Variants in ANO6 observed in about 807,000 individuals in gnomAD.
ANO6 encodes anoctamin-6.
In ANO6, 106 loss-of-function variants were observed where a neutral mutation model predicts 117.5. The observed-to-expected ratio is 0.90, with a 90% CI of 0.77 to 1.06. ANO6 has a LOEUF of 1.06. Among genes scored for constraint, ANO6 ranks in the 50% least tolerant of loss-of-function variants. The probability of loss-of-function intolerance (pLI) is 0.00; values close to 1 mark genes in which losing one functional copy is unlikely to be tolerated. For missense variants in ANO6, 955 were observed against 1,121.1 expected (o/e 0.85, Z 2.12); for synonymous variants, 367 against 385.1 (o/e 0.95, Z 0.55).
At chr12:45,398,026 TAA>T (rs1427693124) in intron 12 of ANO6, among the ~76,000 whole-genome samples, 2 of 152,018 alleles carry the variant, frequency 1.3e-5, no homozygotes, top group African/African-American at 4.8e-5. Flanking sequence ...TCTTTAGAAG[TAA>T]AAACGTTTTC....
intron 7 of ANO6, among the ~76,000 whole-genome samples, chr12:45,351,915 C>CA (rs776476907): frequency 5.5e-4 from 83 of 152,134 alleles, no homozygotes; most frequent in Non-Finnish European, 9.4e-4. Context: ...ATAAGGGGTA[C>CA]AGGGAGCAGG....
chr12:45,256,036 C>A (rs1444510058), intron 1 of ANO6, among the ~76,000 whole-genome samples: 1 of 151,994 alleles, frequency 6.6e-6, no homozygotes. Context: ...GGTGGCCAGG[C>A]TGGTCTCAAA....
At chr12:45,270,576 T>C in intron 1 of ANO6, 1 of 588,168 alleles carries the variant, frequency 1.7e-6, no homozygotes, top group Non-Finnish European at 2.8e-6. Context: ...CTTTTTCCCC[T>C]CCGACTGTCA....
chr12:45,272,733 A>C (rs970156589), intron 1 of ANO6, among the ~76,000 whole-genome samples: 1 of 152,228 alleles, frequency 6.6e-6, no homozygotes, highest in African/African-American at 2.4e-5. Flanking sequence ...CATTATGGAA[A>C]ACAGTATGAA....
intron 7 of ANO6, among the ~76,000 whole-genome samples, chr12:45,355,393 T>C (rs752187747): frequency 3.9e-5 from 6 of 152,082 alleles, no homozygotes; most frequent in Non-Finnish European, 7.4e-5. Flanking sequence ...CTTGTCACAG[T>C]AAATAACCAA....
intron 8 of ANO6, among the ~76,000 whole-genome samples, chr12:45,364,968 G>C (rs1941647764): frequency 6.6e-6 from 1 of 152,164 alleles, no homozygotes; most frequent in South Asian, 2.1e-4. Flanking sequence ...CACTGTTACT[G>C]CTGCTTCCCT....
Position 45,216,196 on chromosome 12 carries a change from C to T in ANO6, c.-126C>T. On this transcript the variant is annotated 5_prime_UTR_variant, in exon 1 of 20. Transcript: ENST00000320560. ...TTTCCCCGGCGCTGGCTGGGCTCAG[C>T]GGCCCCTGAGCCCAAGCGACACACG... is the stretch of plus-strand genomic sequence containing the variant. 1.8e-6 allele frequency: 2 copies of T among 1,100,280 alleles called. No individual in the cohort carries two copies. Among genetic ancestry groups the T allele is most frequent in the Non-Finnish European group, 2.7e-6 (2 of 749,492 alleles). The allele number at this position is 1,100,280 out of a possible 1,614,324, so 68.2% of individuals were successfully genotyped here.
In ANO6 at chr12:45,440,214, G is replaced by A. The variant is rs112719614; in HGVS notation, c.*276G>A. 3.1e-3 allele frequency: 826 copies of A among 267,522 alleles called. 8 individuals carry two copies. Among genetic ancestry groups the A allele is most frequent in the African/African-American group, 0.017 (768 of 45,598 alleles). 16.6% of individuals were successfully genotyped at this position (267,522 alleles called of 1,614,324 possible). ...TTCATGCCATTTTAATTTTTAAAAGGTAATTTAATTGAGCCTAATTTCTTT... is the reference window on the plus strand; with the variant it reads ...TTCATGCCATTTTAATTTTTAAAAGATAATTTAATTGAGCCTAATTTCTTT... On this transcript the variant is annotated 3_prime_UTR_variant, in exon 20 of 20. Coordinates refer to the ANO6 transcript ENST00000425752.
At chr12:45,325,090 G>A (rs1001399839) in intron 2 of ANO6, among the ~76,000 whole-genome samples, 34 of 152,176 alleles carry the variant, frequency 2.2e-4, no homozygotes, top group Admixed American at 6.6e-4. Flanking sequence ...ATACAGTTAC[G>A]AAGTCAAGCT....
chr12:45,309,196 C>T (rs760373112), intron 2 of ANO6, among the ~76,000 whole-genome samples: 2 of 151,994 alleles, frequency 1.3e-5, no homozygotes, highest in Non-Finnish European at 2.9e-5. Context: ...ACTGAGAGGC[C>T]AGAATGCATT....
intron 19 of ANO6, among the ~76,000 whole-genome samples, chr12:45,425,994 T>G (rs1280743854): frequency 6.6e-6 from 1 of 152,204 alleles, no homozygotes; most frequent in African/African-American, 2.4e-5. Context: ...AAACCAGTGT[T>G]TTTTCTAATC....
At chr12:45,337,678 G>A (rs1438548450) in intron 3 of ANO6, among the ~76,000 whole-genome samples, 1 of 151,974 alleles carries the variant, frequency 6.6e-6, no homozygotes, top group Non-Finnish European at 1.5e-5. Context: ...TTGGTCAAAG[G>A]ATACAAAATT....
chr12:45,377,157 T>TC lies in ANO6; in HGVS notation c.1105-896_1105-895insC, dbSNP rs1473307954. On this transcript the variant is annotated intron_variant, in intron 9 of 19. Coordinates refer to ENST00000320560, the MANE Select transcript of ANO6 (RefSeq NM_001025356.3). ...CATTTGAAAAGGTTTTTTTTTTTTT[T>TC]ACCTATAGCTTTTCTACCCAGTCCC... Among the ~76,000 whole-genome samples, 4 of 151,950 alleles carry TC rather than the reference T, an allele frequency of 2.6e-5. No homozygotes were observed. The East Asian group carries it at 7.7e-4, about 29-fold the overall frequency.
chr12:45,333,506 A>G (rs1940735262), intron 3 of ANO6, among the ~76,000 whole-genome samples: 1 of 152,054 alleles, frequency 6.6e-6, no homozygotes, highest in South Asian at 2.1e-4. Flanking sequence ...GCCATGATGA[A>G]GGGCCCTAGA....
At chr12:45,417,565 T>C (rs551150757) in intron 17 of ANO6, among the ~76,000 whole-genome samples, 10 of 152,332 alleles carry the variant, frequency 6.6e-5, no homozygotes, top group African/African-American at 2.4e-4. Context: ...CCTGTATTCA[T>C]TGATTATGGG....
At chr12:45,414,429 T>G (rs1016811876) in intron 16 of ANO6, among the ~76,000 whole-genome samples, 47 of 152,294 alleles carry the variant, frequency 3.1e-4, no homozygotes, top group African/African-American at 1.1e-3. Flanking sequence ...TTTATTTTGG[T>G]GTCAGAAGTG....
At chr12:45,422,609 C>A (rs1206042015) in intron 18 of ANO6, among the ~76,000 whole-genome samples, 1 of 149,812 alleles carries the variant, frequency 6.7e-6, no homozygotes, top group East Asian at 2.0e-4. Flanking sequence ...GCGTCCTGCT[C>A]TGTTGCCCAG....
chr12:45,269,852 T>C (rs535805402), intron 1 of ANO6, among the ~76,000 whole-genome samples: 60 of 152,346 alleles, frequency 3.9e-4, no homozygotes, highest in Non-Finnish European at 7.5e-4. Flanking sequence ...TAGTTTTCTT[T>C]TTAATTTTCC....
At chr12:45,420,959 A>C in intron 17 of ANO6, 112 bp from the exon 18 acceptor site, 1 of 1,142,962 alleles carries the variant, frequency 8.7e-7, no homozygotes, top group African/African-American at 1.5e-5. Context: ...CAAGAGGTGG[A>C]GGTTGCAGTG....
Sources: gnomAD v4.1 joint callset for allele counts (sites outside exome capture counted in the v4.1 genomes callset) on GRCh38, gnomAD v4.1.1 for gene constraint, MANE v1.5 for transcripts, NCBI Gene and HGNC (gene_info 2026-07-23, HGNC 2026-07-21) for gene names.